MELK: variants seen among roughly 807,000 people sequenced by gnomAD.
The protein encoded by MELK is maternal embryonic leucine zipper kinase, also known as pEg3 kinase.
MELK carries 81 observed loss-of-function variants against 85.0 expected under a neutral mutation model. The ratio of observed to expected loss-of-function variants is 0.95; its 90% CI spans 0.80 to 1.15. The LOEUF is 1.15. MELK is among the 50% of genes most tolerant of loss of function. The pLI is 0.00. For missense variants in MELK, 754 were observed against 777.5 expected, an observed-to-expected ratio of 0.97 and a Z score of 0.36; for synonymous variants, 252 against 265.0, an observed-to-expected ratio of 0.95 and a Z score of 0.48.
intron 8 of MELK, among the ~76,000 whole-genome samples, chr9:36,608,417 G>A (rs12237874): frequency 0.1 from 14,762 of 148,050 alleles, 758 homozygotes; most frequent in Middle Eastern, 0.15. Flanking sequence ...TCAAACTTGT[G>A]TATATATATA....
rs780496694 is a variant in MELK at position 36,677,331 on chromosome 9, G to A, written c.1950G>A (p.Lys650=). The A allele has an allele frequency of 5.0e-6, 8 of 1,611,050 alleles. No individual in the cohort carries two copies. In the South Asian group the frequency reaches 8.9e-5, roughly 18 times the overall value. The change falls in exon 18 of 18, where the codon AAG becomes AAA. Residue 650 remains lysine, a synonymous_variant. Transcript: ENST00000298048. Reference sequence around the variant, plus strand: ...TGGAAGACATCCTATCTAGCTGCAAGGTATAATTGATGGATTCTTCCATCC... The same window carrying A: ...TGGAAGACATCCTATCTAGCTGCAAAGTATAATTGATGGATTCTTCCATCC... ...RLVEDILSSC[K]V
chr9:36,674,761 C>T (rs1833192303), intron 16 of MELK, 73 bp from the exon 17 acceptor site: 2 of 857,554 alleles, frequency 2.3e-6, no homozygotes, highest in Non-Finnish European at 3.8e-6. Flanking sequence ...AGTTTTGGAA[C>T]TCTTGATCTG....
rs1833429366 is a variant in MELK, at chr9:36,677,287, T to TGG, written c.1908_1909dup (p.Val637GlyfsTer6). The stretch of plus-strand genomic sequence containing the variant: ...GAGGCAGCGGCTTAAGGGCGATGCC[T>TGG]GGGTTTACAAAAGATTAGTGGAAGA... On this transcript the variant is annotated frameshift_variant, in exon 18 of 18. Transcript: ENST00000298048. LOFTEE classifies it high-confidence loss of function. The TGG allele has an allele frequency of 3.7e-6, 6 of 1,613,938 alleles. No homozygotes were observed. The highest frequency in any genetic ancestry group is 5.1e-6 in the Non-Finnish European group (6 of 1,179,910).
At chr9:36,656,278 T>A (rs1279770410) in intron 12 of MELK, among the ~76,000 whole-genome samples, 2 of 152,222 alleles carry the variant, frequency 1.3e-5, no homozygotes, top group Non-Finnish European at 2.9e-5. Flanking sequence ...CATCTTCTAC[T>A]TTGTCAGATC....
intron 8 of MELK, among the ~76,000 whole-genome samples, chr9:36,608,697 T>C (rs1476775385): frequency 6.6e-6 from 1 of 152,106 alleles, no homozygotes; most frequent in African/African-American, 2.4e-5. Flanking sequence ...TTCTCCTGTC[T>C]CAGCCTCCCT....
At chr9:36,617,885 G>T (rs1045025969) in intron 8 of MELK, among the ~76,000 whole-genome samples, 2 of 152,130 alleles carry the variant, frequency 1.3e-5, no homozygotes, top group Non-Finnish European at 2.9e-5. Flanking sequence ...CAGCACTTTG[G>T]GGGGCTGAGT....
intron 7 of MELK, among the ~76,000 whole-genome samples, chr9:36,605,655 A>G (rs116248565): frequency 2.0e-5 from 3 of 151,822 alleles, no homozygotes; most frequent in East Asian, 1.9e-4. Context: ...CTTCAAAGCA[A>G]ATTGTTCACT....
At chr9:36,581,609 T>C (rs1822246905) in intron 1 of MELK, 35 bp from the exon 2 acceptor site, 2 of 1,050,472 alleles carry the variant, frequency 1.9e-6, no homozygotes, top group East Asian at 4.9e-5. Flanking sequence ...TCCGGTATTA[T>C]TTCCTTTATT....
chr9:36,615,063 G>A (rs1308313310), intron 8 of MELK, among the ~76,000 whole-genome samples: 1 of 143,902 alleles, frequency 6.9e-6, no homozygotes, highest in Admixed American at 6.7e-5. Flanking sequence ...GGCCGGGCGG[G>A]GGGGCTGACC....
intron 4 of MELK, among the ~76,000 whole-genome samples, chr9:36,594,421 C>G (rs921742833): frequency 2.6e-5 from 4 of 152,042 alleles, no homozygotes; most frequent in Non-Finnish European, 5.9e-5. Context: ...TAAAACTGTT[C>G]GAAGAAAGAG....
Position 36,657,793 on chromosome 9 carries a change from A to AG in MELK, c.1176+431dup, listed in dbSNP as rs1831403186. ...AGAGACAGGGTTTCACCATGTTGGC[A>AG]GCTGGTCTCGAACTCCTGACCTCAG... On this transcript the variant is annotated intron_variant, in intron 13 of 17. Transcript: ENST00000298048. 2.6e-5 allele frequency among the ~76,000 whole-genome samples: 4 copies of AG among 152,046 alleles called. No individual in the cohort carries two copies. In the South Asian group the frequency reaches 6.2e-4, roughly 24 times the overall value.
intron 8 of MELK, among the ~76,000 whole-genome samples, chr9:36,621,263 C>T (rs1235163471): frequency 1.9e-4 from 16 of 83,872 alleles, no homozygotes; most frequent in African/African-American, 5.9e-4. Flanking sequence ...CAGAGTGAGA[C>T]TCTGTCTCAG....
intron 16 of MELK, among the ~76,000 whole-genome samples, chr9:36,672,289 G>C (rs1051126725): frequency 1.3e-5 from 2 of 152,012 alleles, no homozygotes; most frequent in African/African-American, 4.8e-5. Context: ...AATTTCTCTG[G>C]TTGGAGATAG....
chr9:36,627,510 TTC>T (rs199909779), intron 8 of MELK, among the ~76,000 whole-genome samples: 73 of 147,888 alleles, frequency 4.9e-4, no homozygotes, highest in Middle Eastern at 6.9e-3. Flanking sequence ...AGAGAACCCA[TTC>T]TCTCTCTCTC....
At chr9:36,647,469 C>CTTCTT (rs751965809) in intron 11 of MELK, among the ~76,000 whole-genome samples, 51 of 151,582 alleles carry the variant, frequency 3.4e-4, no homozygotes, top group Non-Finnish European at 4.4e-4. Flanking sequence ...CATGAAGCCT[C>CTTCTT]TTCTTTTCTT....
chr9:36,575,608 GA>G (rs904358604), intron 1 of MELK, among the ~76,000 whole-genome samples: 11 of 146,962 alleles, frequency 7.5e-5, no homozygotes, highest in South Asian at 2.2e-4. Flanking sequence ...AAGAAAGAAA[GA>G]AAAAAAAAAG....
At chr9:36,599,321 AAAAG>A in intron 6 of MELK, 69 bp from the exon 7 acceptor site, 21 of 960,222 alleles carry the variant, frequency 2.2e-5, no homozygotes, top group Admixed American at 1.4e-4. Context: ...AAAAAAAAAA[AAAAG>A]AATGTTTATC....
chr9:36,647,567 C>T (rs762921035), intron 11 of MELK, among the ~76,000 whole-genome samples: 43 of 151,846 alleles, frequency 2.8e-4, no homozygotes, highest in Non-Finnish European at 4.7e-4. Context: ...CTGCTCCCTG[C>T]AACCTCCGCC....
intron 10 of MELK, among the ~76,000 whole-genome samples, chr9:36,640,306 C>A (rs1829641848): frequency 1.3e-5 from 2 of 152,100 alleles, no homozygotes; most frequent in Non-Finnish European, 1.5e-5. Context: ...AAAAAAAGAT[C>A]AAGGCACCAG....
Sources: allele counts gnomAD v4.1 joint callset (sites outside exome capture counted in the v4.1 genomes callset), GRCh38; gene constraint gnomAD v4.1.1; transcripts MANE v1.5; gene names NCBI Gene and HGNC (gene_info 2026-07-23, HGNC 2026-07-21).